The following EVL variants were observed in gnomAD, a reference collection of about 807,000 sequenced individuals.
EVL encodes the protein ena/VASP-like protein.
A neutral mutation model predicts 59.6 loss-of-function variants in EVL; 21 were observed. That is an observed-to-expected ratio of 0.35 (90% CI 0.25 to 0.51). The LOEUF (loss-of-function observed/expected upper bound fraction) is 0.51. EVL is among the 20% of genes least tolerant of loss of function. The pLI is 0.97. For missense variants in EVL, 462 were observed against 546.6 expected, an observed-to-expected ratio of 0.85 and a Z score of 1.54; for synonymous variants, 198 against 203.5, an observed-to-expected ratio of 0.97 and a Z score of 0.23.
At chr14:100,000,672 GA>G (rs1432992115) in intron 1 of EVL, among the ~76,000 whole-genome samples, 1 of 152,142 alleles carries the variant, frequency 6.6e-6, no homozygotes, top group Non-Finnish European at 1.5e-5. Flanking sequence ...CTTTCCAAAG[GA>G]GGCGATCAGG....
At chr14:100,035,800 G>A (rs1014235513) in intron 1 of EVL, among the ~76,000 whole-genome samples, 1 of 152,178 alleles carries the variant, frequency 6.6e-6, no homozygotes, top group African/African-American at 2.4e-5. Flanking sequence ...AAGGGAGCTA[G>A]CATTTTCTAT....
chr14:99,993,653 A>G (rs572348662), intron 1 of EVL, among the ~76,000 whole-genome samples: 4 of 135,654 alleles, frequency 2.9e-5, no homozygotes, highest in African/African-American at 1.1e-4. Context: ...TTCTTTATTA[A>G]TTATAAGTCT....
At position 100,143,796 on chromosome 14, in the gene EVL, A is replaced by AAGCCCAGCCAGC. The variant is rs1242762948; in HGVS notation, c.*59_*70dup. 1.9e-5 allele frequency: 30 copies of AAGCCCAGCCAGC among 1,586,054 alleles called. No homozygotes were observed. The highest frequency in any genetic ancestry group is 2.0e-5 in the Non-Finnish European group (23 of 1,165,674). On this transcript the variant is annotated 3_prime_UTR_variant, in exon 14 of 14. Transcript: ENST00000392920. ...CCATCCGGCGACAGAGGACAGCCAG[A>AAGCCCAGCCAGC]AGCCCAGCCAGCCCCAGACTCCAGT...
intron 1 of EVL, among the ~76,000 whole-genome samples, chr14:100,006,408 C>T (rs1362229302): frequency 6.6e-6 from 1 of 151,756 alleles, no homozygotes; most frequent in African/African-American, 2.4e-5. Flanking sequence ...CGTCAGCTTC[C>T]CAAGTAGCGG....
intron 3 of EVL, chr14:100,102,254 A>G: frequency 2.2e-6 from 1 of 456,094 alleles, no homozygotes; most frequent in East Asian, 6.9e-5. Context: ...ATAGAGGAAC[A>G]CAGCCTCCTT....
chr14:100,078,039 G>C (rs530040679), intron 1 of EVL, among the ~76,000 whole-genome samples: 6 of 152,328 alleles, frequency 3.9e-5, no homozygotes, highest in Admixed American at 3.9e-4. Context: ...CTCCCAAAGT[G>C]CTGGGATTAC....
chr14:100,016,598 A>C (rs760451151), intron 1 of EVL, among the ~76,000 whole-genome samples: 6 of 152,120 alleles, frequency 3.9e-5, no homozygotes, highest in Non-Finnish European at 7.4e-5. Context: ...AACAAACAAA[A>C]ACAACAACAA....
At chr14:100,141,002 G>A in intron 11 of EVL, 178 bp from the exon 12 acceptor site, 1 of 567,142 alleles carries the variant, frequency 1.8e-6, no homozygotes, top group Non-Finnish European at 3.1e-6. Context: ...GAGACCTCTT[G>A]AGGTGGAGAC....
chr14:100,102,380 G>C (rs1249728030), intron 3 of EVL: 2 of 455,918 alleles, frequency 4.4e-6, no homozygotes, highest in East Asian at 1.4e-4. Flanking sequence ...ACGTCATGTG[G>C]TATGTTCCAG....
chr14:100,047,218 A>G (rs1438118771), intron 1 of EVL, among the ~76,000 whole-genome samples: 4 of 149,180 alleles, frequency 2.7e-5, no homozygotes, highest in Non-Finnish European at 4.4e-5. Context: ...TCTGAAAACA[A>G]TCAGAGCCCT....
At chr14:99,971,504 C>T (rs1376337015) in exon 1 of EVL, 1 of 151,848 alleles carries the variant, frequency 6.6e-6, no homozygotes, top group African/African-American at 2.4e-5. Context: ...GCTCATTCAC[C>T]TCAGCGGCCG....
At chr14:100,123,475 C>T (rs1887827685) in intron 3 of EVL, 64 bp from the exon 4 acceptor site, 2 of 1,543,546 alleles carry the variant, frequency 1.3e-6, no homozygotes, top group African/African-American at 1.4e-5. Context: ...GAGAGCACTC[C>T]AGTTGGGTTT....
At chr14:100,078,672 G>A (rs1289128842) in intron 1 of EVL, among the ~76,000 whole-genome samples, 1 of 152,184 alleles carries the variant, frequency 6.6e-6, no homozygotes, top group Non-Finnish European at 1.5e-5. Flanking sequence ...AGTCGTATCA[G>A]CTGGCGGGGT....
intron 11 of EVL, chr14:100,139,889 G>C (rs1889053480): frequency 6.6e-6 from 1 of 152,258 alleles, no homozygotes. Context: ...TCAGCACCAA[G>C]TCATGTTTAA....
chr14:100,096,244 C>T (rs938577691), intron 2 of EVL, among the ~76,000 whole-genome samples: 7 of 152,150 alleles, frequency 4.6e-5, no homozygotes, highest in Non-Finnish European at 1.0e-4. Context: ...GCATAGAGAG[C>T]GTTATCCCCA....
chr14:99,997,252 A>G (rs1429091988), intron 1 of EVL, among the ~76,000 whole-genome samples: 4 of 152,198 alleles, frequency 2.6e-5, no homozygotes, highest in Admixed American at 6.5e-5. Context: ...CCAGCTTCTC[A>G]TTGAGAATTC....
rs1214698441 is a variant in EVL at position 100,007,490 on chromosome 14, G to GA, written c.5+35440dup. 1.6e-4 allele frequency among the ~76,000 whole-genome samples: 25 copies of GA among 152,164 alleles called. No homozygotes were observed. The South Asian group carries it at 2.5e-3, about 15-fold the overall frequency. On this transcript the variant is annotated intron_variant, in intron 1 of 13. Transcript: ENST00000402714. ...TTTCACAGGAGGAACTCTGACTTTTGAAAAAAAGATCTGTGCTGCTCTCTT... is the reference window on the plus strand; with the variant it reads ...TTTCACAGGAGGAACTCTGACTTTTGAAAAAAAAGATCTGTGCTGCTCTCTT...
At chr14:100,091,604 C>T (rs918759262) in intron 2 of EVL, among the ~76,000 whole-genome samples, 2 of 152,176 alleles carry the variant, frequency 1.3e-5, no homozygotes, top group African/African-American at 2.4e-5. Flanking sequence ...TTGCCCTGTG[C>T]GTCTCTTATC....
chr14:100,087,483 G>A (rs890134145), intron 2 of EVL, among the ~76,000 whole-genome samples: 7 of 152,032 alleles, frequency 4.6e-5, no homozygotes, highest in Non-Finnish European at 7.4e-5. Context: ...GGCGTGGTGG[G>A]GCATGCCTGT....
Sources: allele counts gnomAD v4.1 joint callset (sites outside exome capture counted in the v4.1 genomes callset), GRCh38; gene constraint gnomAD v4.1.1; transcripts MANE v1.5; gene names NCBI Gene and HGNC (gene_info 2026-07-23, HGNC 2026-07-21).